MYO3A: variants seen among roughly 807,000 people sequenced by gnomAD.
MYO3A encodes the protein myosin IIIA, also known as myosin-IIIa.
In MYO3A, 180 loss-of-function variants were observed where a neutral mutation model predicts 192.7. The ratio of observed to expected loss-of-function variants is 0.93; its 90% CI spans 0.83 to 1.06. The LOEUF (loss-of-function observed/expected upper bound fraction) is 1.06, where lower values mean the gene tolerates loss of function less well. Ranked by LOEUF, MYO3A falls within the 50% of genes least tolerant of loss-of-function variation. The probability of loss-of-function intolerance (pLI) is 0.00; values close to 1 mark genes in which losing one functional copy is unlikely to be tolerated. For missense variants in MYO3A, 1,896 were observed against 1,905.0 expected (o/e 1.00, Z 0.09); for synonymous variants, 628 against 645.3 (o/e 0.97, Z 0.41).
chr10:26,053,047 T>C (rs1291529248), intron 10 of MYO3A, among the ~76,000 whole-genome samples: 1 of 152,178 alleles, frequency 6.6e-6, no homozygotes, highest in Admixed American at 6.5e-5. Context: ...CTTTGCTTTT[T>C]CCAAGTCTTA....
rs193055587 is a variant in MYO3A at position 25,970,279 on chromosome 10, A to G, written c.303+15271A>G. Among the ~76,000 whole-genome samples the G allele has an allele frequency of 1.1e-3, 174 of 152,120 alleles. 1 individual carries two copies. The highest frequency in any genetic ancestry group is 1.6e-3 in the Non-Finnish European group (108 of 67,902). ...CCATAATGGAATTAAATTAAAATCTATAAAATAAAAATATAAGAAAAACTA... is the reference window on the plus strand; with the variant it reads ...CCATAATGGAATTAAATTAAAATCTGTAAAATAAAAATATAAGAAAAACTA... On this transcript the variant is annotated intron_variant, in intron 4 of 34. Coordinates refer to ENST00000642920, the MANE Select transcript of MYO3A (RefSeq NM_017433.5).
At chr10:25,962,843 C>G (rs1352987148) in intron 4 of MYO3A, among the ~76,000 whole-genome samples, 2 of 152,104 alleles carry the variant, frequency 1.3e-5, no homozygotes, top group African/African-American at 4.8e-5. Context: ...TTGATGGACA[C>G]AAAGGGGAGA....
At chr10:26,065,480 G>C (rs555546105) in intron 10 of MYO3A, among the ~76,000 whole-genome samples, 1 of 151,172 alleles carries the variant, frequency 6.6e-6, no homozygotes, top group Non-Finnish European at 1.5e-5. Flanking sequence ...AGCCACTCGG[G>C]AAGCTGAGGC....
intron 5 of MYO3A, 74 bp downstream of exon 5, chr10:25,996,668 A>G: frequency 1.6e-6 from 2 of 1,217,818 alleles, no homozygotes; most frequent in Non-Finnish European, 2.4e-6. Flanking sequence ...CTATTTTTAG[A>G]AAAATGTCAC....
intron 23 of MYO3A, among the ~76,000 whole-genome samples, chr10:26,150,098 AC>A (rs1354876751): frequency 6.6e-6 from 1 of 151,894 alleles, no homozygotes; most frequent in African/African-American, 2.4e-5. Flanking sequence ...ATTGATGGAC[AC>A]CTGGGTTGAT....
intron 10 of MYO3A, among the ~76,000 whole-genome samples, chr10:26,033,136 C>T (rs770234960): frequency 8.5e-5 from 13 of 152,048 alleles, no homozygotes; most frequent in Non-Finnish European, 1.5e-4. Context: ...TGCAGTGGCA[C>T]GATCTCAGCT....
intron 15 of MYO3A, among the ~76,000 whole-genome samples, chr10:26,094,322 A>G (rs895877464): frequency 1.3e-5 from 2 of 151,846 alleles, no homozygotes; most frequent in African/African-American, 4.8e-5. Context: ...TTGTTCTAAA[A>G]CTCCACTGCA....
chr10:26,134,016 T>G (rs1440298040), intron 20 of MYO3A, among the ~76,000 whole-genome samples: 1 of 152,218 alleles, frequency 6.6e-6, no homozygotes, highest in Non-Finnish European at 1.5e-5. Flanking sequence ...CTGATACCTA[T>G]TAATAGAATA....
chr10:26,130,229 C>T (rs910615940), intron 20 of MYO3A, among the ~76,000 whole-genome samples: 3 of 152,036 alleles, frequency 2.0e-5, no homozygotes, highest in African/African-American at 7.2e-5. Context: ...CTCAGCCTCC[C>T]AAGTAGCTGG....
chr10:26,112,560 A>G (rs1332187756), intron 17 of MYO3A, among the ~76,000 whole-genome samples: 1 of 152,182 alleles, frequency 6.6e-6, no homozygotes, highest in Non-Finnish European at 1.5e-5. Flanking sequence ...CGACCTTCAC[A>G]GTTTACTGCA....
At chr10:25,998,541 A>G (rs1840591544) in intron 6 of MYO3A, among the ~76,000 whole-genome samples, 1 of 152,046 alleles carries the variant, frequency 6.6e-6, no homozygotes, top group African/African-American at 2.4e-5. Flanking sequence ...TTAGTGTACT[A>G]ATAAGGGCTT....
intron 14 of MYO3A, among the ~76,000 whole-genome samples, chr10:26,087,106 T>TA (rs1275696726): frequency 6.6e-6 from 1 of 152,218 alleles, no homozygotes; most frequent in Non-Finnish European, 1.5e-5. Context: ...ACCTTTGAAA[T>TA]ATGCAGTCTT....
At chr10:26,000,018 T>C (rs1291824476) in intron 6 of MYO3A, among the ~76,000 whole-genome samples, 2 of 152,124 alleles carry the variant, frequency 1.3e-5, no homozygotes, top group South Asian at 2.1e-4. Flanking sequence ...CTAATCTCCT[T>C]CCTTTCCTTC....
At chr10:26,156,384 C>T (rs76872146) in intron 25 of MYO3A, among the ~76,000 whole-genome samples, 1,759 of 152,234 alleles carry the variant, frequency 0.012, 46 homozygotes, top group African/African-American at 0.041. Flanking sequence ...TAAATGTGAT[C>T]CTGGTCTTTG....
chr10:26,062,508 G>A (rs1834550194), intron 10 of MYO3A, among the ~76,000 whole-genome samples: 1 of 38,510 alleles, frequency 2.6e-5, no homozygotes, highest in African/African-American at 7.4e-5. Context: ...AGAGTGAGAT[G>A]CCATCTCAAA....
intron 27 of MYO3A, among the ~76,000 whole-genome samples, chr10:26,166,736 G>A (rs994949381): frequency 6.6e-6 from 1 of 152,056 alleles, no homozygotes; most frequent in Non-Finnish European, 1.5e-5. Flanking sequence ...TAAGATTCGT[G>A]TTTTCCTTTT....
chr10:26,058,972 A>G (rs747077078), intron 10 of MYO3A, among the ~76,000 whole-genome samples: 38 of 151,904 alleles, frequency 2.5e-4, no homozygotes, highest in Non-Finnish European at 4.4e-5. Context: ...TGTGTTTTTA[A>G]TTTCCATTTT....
intron 10 of MYO3A, among the ~76,000 whole-genome samples, chr10:26,047,668 T>G (rs55835764): frequency 0.16 from 24,520 of 151,594 alleles, 2,267 homozygotes; most frequent in Non-Finnish European, 0.21. Context: ...CCAGCTACTC[T>G]GGAGGCTGAG....
At chr10:26,201,559 G>A (rs962610327) in intron 33 of MYO3A, among the ~76,000 whole-genome samples, 1 of 151,766 alleles carries the variant, frequency 6.6e-6, no homozygotes, top group African/African-American at 2.4e-5. Flanking sequence ...AGTGGCAGGC[G>A]CCTGTAGTCC....
Sources: gnomAD v4.1 joint callset for allele counts (sites outside exome capture counted in the v4.1 genomes callset) on GRCh38, gnomAD v4.1.1 for gene constraint, MANE v1.5 for transcripts, NCBI Gene and HGNC (gene_info 2026-07-23, HGNC 2026-07-21) for gene names.